The following DHDDS variants were observed in gnomAD, a reference collection of about 807,000 sequenced individuals.
The protein encoded by DHDDS is dehydrodolichyl diphosphate synthase subunit.
Under a neutral mutation model 46.2 loss-of-function variants are expected in DHDDS, and 16 were observed. The ratio of observed to expected loss-of-function variants is 0.35; its 90% CI spans 0.23 to 0.53. The LOEUF (loss-of-function observed/expected upper bound fraction) is 0.53, where lower values mean the gene tolerates loss of function less well. Ranked by LOEUF, DHDDS falls within the 20% of genes least tolerant of loss-of-function variation. The pLI is 0.94. For synonymous variants in DHDDS, 151 were observed against 163.1 expected, an observed-to-expected ratio of 0.93 and a Z score of 0.56; for missense variants, 340 against 423.7, an observed-to-expected ratio of 0.80 and a Z score of 1.73.
In DHDDS at chr1:26,470,484, T is replaced by G. The variant is rs1423274676; in HGVS notation, c.*1353T>G. The G allele has an allele frequency of 6.6e-6, 1 of 152,016 alleles. No homozygotes were observed. The highest frequency in any genetic ancestry group is 1.5e-5 in the Non-Finnish European group (1 of 68,026). The allele number at this position is 152,016 out of a possible 1,614,324, so 9.4% of individuals were successfully genotyped here. A position where few individuals can be genotyped will look rare whatever the true frequency, so the allele number is the denominator to read the frequency against. On this transcript the variant is annotated 3_prime_UTR_variant, in exon 9 of 9. Coordinates refer to ENST00000236342, the MANE Select transcript of DHDDS (RefSeq NM_205861.3). ...TTCTGCAAGCTGTTTCCCTAGCAGC[T>G]CCCTCTAGGGGAGAGGTGAAATCTT...
intron 6 of DHDDS, chr1:26,454,931 T>A (rs888006875): frequency 2.5e-6 from 4 of 1,601,960 alleles, no homozygotes; most frequent in Non-Finnish European, 3.4e-6. Context: ...TTCAGCACTC[T>A]TTTTGGGCCA....
chr1:26,452,405 TAGA>T (rs1228128261), intron 6 of DHDDS, among the ~76,000 whole-genome samples: 12 of 152,326 alleles, frequency 7.9e-5, no homozygotes, highest in Non-Finnish European at 1.3e-4. Flanking sequence ...CTGGAAATTA[TAGA>T]AGAAGGAAGT....
intron 3 of DHDDS, among the ~76,000 whole-genome samples, chr1:26,440,839 TCTCTCAACATTGTCCTCCAC>T (rs1400929263): frequency 1.3e-5 from 2 of 152,186 alleles, no homozygotes; most frequent in Non-Finnish European, 2.9e-5. Flanking sequence ...CCGCTCTCCA[TCTCTCAACATTGTCCTCCAC>T]CTCTCAACAT....
rs906480380 is a variant in DHDDS at position 26,459,693 on chromosome 1, C to T, written c.658-344C>T. 2.0e-5 allele frequency among the ~76,000 whole-genome samples: 3 copies of T among 152,212 alleles called. No individual in the cohort carries two copies. In the South Asian group the frequency reaches 6.2e-4, roughly 31 times the overall value. On this transcript the variant is annotated intron_variant, in intron 7 of 8. Transcript: ENST00000236342. ...TGGTGACCTTTATCAGACAGTATGT[C>T]TTCCAGATGCCCTCTAAGGGCCAAG...
At chr1:26,432,438 CG>C (rs2075113820) in intron 1 of DHDDS, 62 bp downstream of exon 1, 1 of 167,242 alleles carries the variant, frequency 6.0e-6, no homozygotes, top group South Asian at 1.3e-4. Context: ...GGAGCAGCTG[CG>C]GGAGAAGCAA....
At chr1:26,465,058 G>A (rs1008166316) in intron 8 of DHDDS, among the ~76,000 whole-genome samples, 7 of 152,186 alleles carry the variant, frequency 4.6e-5, no homozygotes, top group African/African-American at 1.7e-4. Context: ...CAGCAAAGAG[G>A]CAGGGACAAA....
chr1:26,447,615 TGA>T lies in DHDDS; in HGVS notation c.504_505del (p.Glu168AspfsTer14). On this transcript the variant is annotated frameshift_variant, in exon 6 of 9. Coordinates refer to ENST00000236342, the MANE Select transcript of DHDDS (RefSeq NM_205861.3). LOFTEE classifies it high-confidence loss of function. ...TCCCGTCATGAGATCAGCAATGCTGTGAGAGAGATGGCCTGGGGGGTGGAGCA... is the reference window on the plus strand; with the variant it reads ...TCCCGTCATGAGATCAGCAATGCTGTGAGAGATGGCCTGGGGGGTGGAGCA... 2 of 1,614,004 alleles carry T rather than the reference TGA, an allele frequency of 1.2e-6. No individual in the cohort carries two copies. The highest frequency in any genetic ancestry group is 1.7e-6 in the Non-Finnish European group (2 of 1,179,862).
At chr1:26,464,134 A>T (rs903317634) in intron 8 of DHDDS, among the ~76,000 whole-genome samples, 1 of 151,582 alleles carries the variant, frequency 6.6e-6, no homozygotes, top group African/African-American at 2.4e-5. Context: ...CTGGGACTAC[A>T]GGCACGTGCC....
Position 26,469,462 on chromosome 1 carries a change from A to G in DHDDS, c.*331A>G, listed in dbSNP as rs2075530506. ...TTTCCACCAGCACATCCTTCAACACACAGAATTTCAGGGAAGAGTTCTCCC... is the reference window on the plus strand; with the variant it reads ...TTTCCACCAGCACATCCTTCAACACGCAGAATTTCAGGGAAGAGTTCTCCC... On this transcript the variant is annotated 3_prime_UTR_variant, in exon 9 of 9. Transcript: ENST00000236342. 2 of 422,050 alleles carry G rather than the reference A, an allele frequency of 4.7e-6. No homozygotes were observed. The highest frequency in any genetic ancestry group is 3.5e-5 in the Admixed American group (1 of 28,354). 26.1% of individuals were successfully genotyped at this position (422,050 alleles called of 1,614,324 possible).
At chr1:26,459,012 C>T (rs1433007651) in intron 7 of DHDDS, among the ~76,000 whole-genome samples, 1 of 152,066 alleles carries the variant, frequency 6.6e-6, no homozygotes, top group Admixed American at 6.5e-5. Context: ...CAATGTATTC[C>T]CTTGGAAAAA....
intron 4 of DHDDS, among the ~76,000 whole-genome samples, chr1:26,445,568 C>G (rs1439496993): frequency 6.6e-6 from 1 of 152,130 alleles, no homozygotes; most frequent in East Asian, 1.9e-4. Context: ...CAAAAATTAG[C>G]CAGGCATGGT....
intron 7 of DHDDS, among the ~76,000 whole-genome samples, chr1:26,458,966 G>A (rs893603960): frequency 2.0e-5 from 3 of 151,750 alleles, no homozygotes; most frequent in African/African-American, 7.2e-5. Flanking sequence ...CAAAAAATGA[G>A]GAAAGGATAG....
At chr1:26,437,119 G>A (rs1442363272) in intron 2 of DHDDS, among the ~76,000 whole-genome samples, 2 of 151,902 alleles carry the variant, frequency 1.3e-5, no homozygotes, top group African/African-American at 2.4e-5. Flanking sequence ...GCAATGAGCC[G>A]AGATCGTGCC....
In DHDDS at chr1:26,469,097, A is replaced by T. The variant is rs1253073797; in HGVS notation, c.968A>T (p.Asp323Val). The T allele has an allele frequency of 1.2e-6, 2 of 1,612,824 alleles. No individual in the cohort carries two copies. Among genetic ancestry groups the T allele is most frequent in the Non-Finnish European group, 1.7e-6 (2 of 1,180,056 alleles). The change falls in exon 9 of 9, where the codon GAC becomes GTC. Residue 323 changes from aspartate (D) to valine (V), a missense_variant. This residue lies in a region of DHDDS where 268 missense variants were observed against 300.3 expected (regional missense o/e 0.89). Coordinates refer to ENST00000236342, the MANE Select transcript of DHDDS (RefSeq NM_205861.3). ...FLQALELKRA[D>V]WLARLGTASA ...CAGGCCTTGGAACTCAAGCGAGCTG[A>T]CTGGCTGGCCCGTCTGGGCACTGCA...
intron 6 of DHDDS, among the ~76,000 whole-genome samples, chr1:26,457,366 G>A (rs6690055): frequency 0.22 from 33,128 of 150,754 alleles, 3,999 homozygotes; most frequent in Admixed American, 0.29. Context: ...CCAGCTACTC[G>A]GGAGGCTGAG....
At position 26,469,239 on chromosome 1, in the gene DHDDS, C is replaced by T; in HGVS notation, c.*108C>T. ...CCTTTCCTGATAATGAATGGTGTTC[C>T]CTTTGCTTGGCTGGGGAGCCCCCCA... is the stretch of plus-strand genomic sequence containing the variant. On this transcript the variant is annotated 3_prime_UTR_variant, in exon 9 of 9. Coordinates refer to ENST00000236342, the MANE Select transcript of DHDDS (RefSeq NM_205861.3). The T allele has an allele frequency of 6.3e-7, 1 of 1,591,658 alleles. No individual in the cohort carries two copies. The highest frequency in any genetic ancestry group is 1.1e-5 in the South Asian group (1 of 89,484).
intron 4 of DHDDS, 178 bp downstream of exon 4, chr1:26,443,051 A>ATTTTTT (rs1336155061): frequency 6.5e-6 from 4 of 619,938 alleles, no homozygotes; most frequent in East Asian, 9.5e-5. Flanking sequence ...TTTATTTCTA[A>ATTTTTT]CTTTTTAATA....
At chr1:26,451,831 T>C (rs1227231195) in intron 6 of DHDDS, among the ~76,000 whole-genome samples, 1 of 151,958 alleles carries the variant, frequency 6.6e-6, no homozygotes, top group African/African-American at 2.4e-5. Context: ...GGTTTCACCA[T>C]GTTAGCCAGG....
chr1:26,443,669 C>G (rs1033558449), intron 4 of DHDDS, among the ~76,000 whole-genome samples: 1 of 152,060 alleles, frequency 6.6e-6, no homozygotes, highest in Non-Finnish European at 1.5e-5. Flanking sequence ...TGAAGATGAG[C>G]CTAGAACAAT....
Sources: allele counts gnomAD v4.1 joint callset (sites outside exome capture counted in the v4.1 genomes callset), GRCh38; gene constraint gnomAD v4.1.1; regional missense constraint gnomAD v4.1.1; transcripts MANE v1.5; gene names NCBI Gene and HGNC (gene_info 2026-07-23, HGNC 2026-07-21).